Variants in CDK17 observed in about 807,000 individuals in gnomAD.
The protein encoded by CDK17 is cyclin dependent kinase 17.
Under a neutral mutation model 77.6 loss-of-function variants are expected in CDK17, and 24 were observed. The observed-to-expected ratio is 0.31, with a 90% CI of 0.22 to 0.44. The LOEUF (loss-of-function observed/expected upper bound fraction) is 0.44. CDK17 is among the 20% of genes least tolerant of loss of function. The pLI is 1.00. For missense variants in CDK17, 429 were observed against 622.5 expected (o/e 0.69, Z 3.31); for synonymous variants, 203 against 210.4 (o/e 0.96, Z 0.30).
chr12:96,378,978 A>C (rs1468992722), intron 1 of CDK17, among the ~76,000 whole-genome samples: 2 of 152,222 alleles, frequency 1.3e-5, no homozygotes, highest in Non-Finnish European at 2.9e-5. Context: ...TATCTATCCC[A>C]AAAAAATAAG....
At chr12:96,309,859 G>A (rs570257207) in intron 5 of CDK17, among the ~76,000 whole-genome samples, 4 of 152,258 alleles carry the variant, frequency 2.6e-5, no homozygotes, top group African/African-American at 9.6e-5. Flanking sequence ...AGTTGGCAAG[G>A]AGAACAACCA....
intron 10 of CDK17, among the ~76,000 whole-genome samples, chr12:96,289,587 A>C (rs1592706446): frequency 1.3e-5 from 2 of 152,236 alleles, no homozygotes; most frequent in African/African-American, 2.4e-5. Context: ...CCTTCTGTCC[A>C]TGAATCATGA....
chr12:96,312,581 T>A (rs561509738), intron 4 of CDK17, among the ~76,000 whole-genome samples: 14 of 152,268 alleles, frequency 9.2e-5, no homozygotes, highest in Admixed American at 2.0e-4. Context: ...AATGAAAATA[T>A]AATCAACCAA....
At chr12:96,377,233 T>C (rs1371082308) in intron 1 of CDK17, among the ~76,000 whole-genome samples, 3 of 152,150 alleles carry the variant, frequency 2.0e-5, no homozygotes, top group Admixed American at 2.0e-4. Context: ...CTTATAACCT[T>C]GGAATGGTGA....
chr12:96,326,457 T>C (rs1254309852), intron 2 of CDK17, among the ~76,000 whole-genome samples: 1 of 152,206 alleles, frequency 6.6e-6, no homozygotes, highest in Non-Finnish European at 1.5e-5. Context: ...AACAGAAATT[T>C]AAATGCAAGA....
intron 9 of CDK17, among the ~76,000 whole-genome samples, chr12:96,296,434 GCTGT>G (rs2137080041): frequency 6.6e-6 from 1 of 152,296 alleles, no homozygotes; most frequent in African/African-American, 2.4e-5. Flanking sequence ...TATGTTCTGA[GCTGT>G]CTTTTAGTAA....
At chr12:96,298,727 T>C (rs1170791932) in intron 7 of CDK17, 142 bp downstream of exon 7, 12 of 535,254 alleles carry the variant, frequency 2.2e-5, no homozygotes, top group Admixed American at 3.7e-5. Context: ...CTTTGAGTAT[T>C]TGTTTTAGAA....
At chr12:96,287,598 C>T (rs1230720609) in intron 11 of CDK17, among the ~76,000 whole-genome samples, 2 of 152,044 alleles carry the variant, frequency 1.3e-5, no homozygotes, top group African/African-American at 4.8e-5. Context: ...AGGAGGACTG[C>T]TTGAGCCCAG....
chr12:96,362,227 TTTTC>T (rs1953503619), intron 1 of CDK17, among the ~76,000 whole-genome samples: 1 of 152,116 alleles, frequency 6.6e-6, no homozygotes, highest in African/African-American at 2.4e-5. Context: ...TTGATTTTTT[TTTTC>T]TTTTTTTGAG....
intron 3 of CDK17, among the ~76,000 whole-genome samples, chr12:96,316,773 A>C (rs1250374161): frequency 2.5e-4 from 33 of 130,624 alleles, no homozygotes; most frequent in Admixed American, 9.1e-4. Context: ...AAACTAACAA[A>C]CAGAAAGGAC....
intron 3 of CDK17, among the ~76,000 whole-genome samples, chr12:96,319,284 A>G (rs1428582071): frequency 1.4e-5 from 2 of 145,856 alleles, no homozygotes; most frequent in African/African-American, 2.5e-5. Flanking sequence ...CAATAACAGG[A>G]GCTGAAATTG....
intron 1 of CDK17, among the ~76,000 whole-genome samples, chr12:96,360,532 A>G (rs1455222608): frequency 1.3e-5 from 2 of 152,204 alleles, no homozygotes; most frequent in Admixed American, 6.5e-5. Flanking sequence ...TAGATGCCAA[A>G]AATTATCAAA....
At chr12:96,381,227 A>G (rs1953873952) in intron 1 of CDK17, among the ~76,000 whole-genome samples, 1 of 152,200 alleles carries the variant, frequency 6.6e-6, no homozygotes, top group Admixed American at 6.5e-5. Flanking sequence ...TATAGATAAC[A>G]TTTCAAGGGC....
chr12:96,292,902 T>A (rs1456965481), intron 10 of CDK17, among the ~76,000 whole-genome samples: 1 of 151,688 alleles, frequency 6.6e-6, no homozygotes, highest in East Asian at 1.9e-4. Flanking sequence ...AAATACAGAG[T>A]AATGGTGGCA....
intron 1 of CDK17, among the ~76,000 whole-genome samples, chr12:96,398,428 C>A (rs1363784077): frequency 1.3e-5 from 2 of 152,212 alleles, no homozygotes. Context: ...TATATTACCA[C>A]TAGCAAATTT....
At chr12:96,308,731 A>AAATAATAATAAT (rs34304107) in intron 5 of CDK17, among the ~76,000 whole-genome samples, 30,556 of 132,194 alleles carry the variant, frequency 0.23, 3,904 homozygotes, top group Non-Finnish European at 0.27. Context: ...CCGTCTCCAA[A>AAATAATAATAAT]AATAATAATA....
intron 2 of CDK17, among the ~76,000 whole-genome samples, chr12:96,329,411 A>C (rs543036744): frequency 6.6e-6 from 1 of 152,202 alleles, no homozygotes; most frequent in Non-Finnish European, 1.5e-5. Context: ...TTACCACCAC[A>C]ACATGATAAT....
chr12:96,326,557 G>A (rs1038265855), intron 2 of CDK17, among the ~76,000 whole-genome samples: 2 of 152,222 alleles, frequency 1.3e-5, no homozygotes, highest in African/African-American at 4.8e-5. Flanking sequence ...ATATGGCAGA[G>A]TTCGACTTGT....
At chr12:96,318,712 C>T (rs1456746530) in intron 3 of CDK17, among the ~76,000 whole-genome samples, 4 of 145,906 alleles carry the variant, frequency 2.7e-5, no homozygotes, top group East Asian at 2.0e-4. Context: ...GGGTACATAA[C>T]GAAATGAAGG....
Sources: gnomAD v4.1 joint callset for allele counts (sites outside exome capture counted in the v4.1 genomes callset) on GRCh38, gnomAD v4.1.1 for gene constraint, MANE v1.5 for transcripts, NCBI Gene and HGNC (gene_info 2026-07-23, HGNC 2026-07-21) for gene names.